The following EYS variants were observed in gnomAD, a reference collection of about 807,000 sequenced individuals.
EYS encodes the protein EGF-like photoreceptor maintenance factor.
EYS carries 250 observed loss-of-function variants against 282.1 expected under a neutral mutation model. The ratio of observed to expected loss-of-function variants is 0.89; its 90% confidence interval spans 0.80 to 0.98. EYS has a LOEUF of 0.98. Among genes scored for constraint, EYS ranks in the 50% least tolerant of loss-of-function variants. The pLI is 0.00. For synonymous variants in EYS, 1,355 were observed against 1,282.9 expected (o/e 1.06, Z -1.20); for missense variants, 4,016 against 3,709.0 (o/e 1.08, Z -2.15).
intron 22 of EYS, among the ~76,000 whole-genome samples, chr6:64,748,756 A>G (rs1583110599): frequency 6.6e-6 from 1 of 152,188 alleles, no homozygotes; most frequent in African/African-American, 2.4e-5. Flanking sequence ...AATGTCACAT[A>G]CTATTTAAAA....
chr6:64,393,680 G>C lies in EYS; in HGVS notation c.5928-4840C>G, dbSNP rs532973834. Among the ~76,000 whole-genome samples, 23 of 151,488 alleles carry C rather than the reference G, an allele frequency of 1.5e-4. No individual in the cohort carries two copies. The East Asian group carries it at 3.3e-3, about 22-fold the overall frequency. On this transcript the variant is annotated intron_variant, in intron 28 of 42. Transcript: ENST00000503581. ...ACAAACCCACAGCCAATATCATACTGAATGGGCAAAAACTGGAAGCATTCC... is the reference window on the plus strand; with the variant it reads ...ACAAACCCACAGCCAATATCATACTCAATGGGCAAAAACTGGAAGCATTCC...
intron 14 of EYS, among the ~76,000 whole-genome samples, chr6:64,978,993 A>G (rs1469064307): frequency 2.0e-5 from 3 of 152,040 alleles, no homozygotes; most frequent in Admixed American, 6.6e-5. Context: ...TGTTGAAATG[A>G]CAAAATGGGA....
intron 12 of EYS, among the ~76,000 whole-genome samples, chr6:65,231,145 T>A (rs778501977): frequency 3.4e-3 from 120 of 35,224 alleles, no homozygotes; most frequent in Middle Eastern, 0.016. Context: ...ATATATACTT[T>A]TATATATATA....
chr6:64,369,459 G>A (rs865842494), intron 29 of EYS, among the ~76,000 whole-genome samples: 1 of 152,096 alleles, frequency 6.6e-6, no homozygotes, highest in Non-Finnish European at 1.5e-5. Flanking sequence ...GTCACTGGTA[G>A]TTGAATGGGA....
intron 19 of EYS, among the ~76,000 whole-genome samples, chr6:64,834,205 C>T (rs1057402093): frequency 2.0e-5 from 3 of 151,658 alleles, no homozygotes; most frequent in Non-Finnish European, 4.4e-5. Context: ...AACCAAAAAG[C>T]GATCTGAAAC....
chr6:64,246,742 C>T (rs1248162646), intron 30 of EYS, among the ~76,000 whole-genome samples: 1 of 152,100 alleles, frequency 6.6e-6, no homozygotes, highest in Admixed American at 6.6e-5. Context: ...TCCATAGATA[C>T]ATTCTGAGAT....
intron 23 of EYS, among the ~76,000 whole-genome samples, chr6:64,618,379 C>T (rs1463800516): frequency 6.6e-6 from 1 of 152,046 alleles, no homozygotes; most frequent in Non-Finnish European, 1.5e-5. Context: ...CTAAGTATAC[C>T]CTTCCACATA....
chr6:65,605,007 C>T (rs1929324), intron 2 of EYS, among the ~76,000 whole-genome samples: 12,589 of 126,742 alleles, frequency 0.099, 656 homozygotes, highest in South Asian at 0.19. Context: ...CCATGCCCAG[C>T]TATTTTTTTT....
intron 31 of EYS, among the ~76,000 whole-genome samples, chr6:64,149,864 C>T (rs79551365): frequency 0.028 from 4,271 of 152,262 alleles, 63 homozygotes; most frequent in Non-Finnish European, 0.045. Flanking sequence ...GATGTTAACA[C>T]GCCTTCATTT....
intron 13 of EYS, among the ~76,000 whole-genome samples, chr6:65,035,392 A>T (rs562790575): frequency 6.6e-6 from 1 of 152,038 alleles, no homozygotes; most frequent in East Asian, 2.0e-4. Context: ...TCCAAATAGG[A>T]AGAGAGGAAG....
intron 12 of EYS, among the ~76,000 whole-genome samples, chr6:65,087,423 T>C (rs1774416460): frequency 6.6e-6 from 1 of 152,146 alleles, no homozygotes; most frequent in African/African-American, 2.4e-5. Context: ...GCATTCAAAA[T>C]TGTCAACAAT....
chr6:64,077,547 T>G (rs2149864931), intron 32 of EYS, among the ~76,000 whole-genome samples: 1 of 152,140 alleles, frequency 6.6e-6, no homozygotes, highest in Admixed American at 6.6e-5. Context: ...CTATTTTAAA[T>G]ACAAACATTA....
intron 14 of EYS, among the ~76,000 whole-genome samples, chr6:64,992,242 G>A (rs531341515): frequency 2.0e-5 from 3 of 151,654 alleles, no homozygotes; most frequent in Non-Finnish European, 4.4e-5. Context: ...AAAATAAATT[G>A]GTATATAGTA....
intron 2 of EYS, among the ~76,000 whole-genome samples, chr6:65,635,117 A>G (rs555885161): frequency 2.6e-5 from 4 of 152,182 alleles, no homozygotes; most frequent in Non-Finnish European, 5.9e-5. Context: ...TCTTTGTCAC[A>G]TAAGCCTAGG....
chr6:64,343,391 G>A (rs1251385534), intron 29 of EYS, among the ~76,000 whole-genome samples: 2 of 151,930 alleles, frequency 1.3e-5, no homozygotes, highest in Non-Finnish European at 2.9e-5. Flanking sequence ...CTAGAACTCA[G>A]GATTAAGAAA....
intron 13 of EYS, among the ~76,000 whole-genome samples, chr6:65,053,184 T>TA (rs1339075743): frequency 6.6e-6 from 1 of 151,768 alleles, no homozygotes; most frequent in African/African-American, 2.4e-5. Flanking sequence ...GTATGTGCTT[T>TA]AAAAAGTTAT....
rs1020785187 is a variant in EYS at position 64,259,954 on chromosome 6, AT to A, written c.6192-29131del. On this transcript the variant is annotated intron_variant, in intron 30 of 42. Coordinates refer to ENST00000503581, the MANE Select transcript of EYS (RefSeq NM_001142800.2). ...GCATGCTTCCCTTCAATATTCTCTG[AT>A]TTTTTTTCCTTCTAAATAACAGGAA... is the stretch of plus-strand genomic sequence containing the variant. 2.6e-5 allele frequency among the ~76,000 whole-genome samples: 4 copies of A among 151,654 alleles called. No individual in the cohort carries two copies. In the East Asian group the frequency reaches 5.8e-4, roughly 22 times the overall value.
chr6:64,054,685 C>G (rs1408522043), intron 33 of EYS, among the ~76,000 whole-genome samples: 1 of 152,018 alleles, frequency 6.6e-6, no homozygotes, highest in East Asian at 1.9e-4. Context: ...AACCCTGTTT[C>G]AATTAGTTAT....
intron 30 of EYS, among the ~76,000 whole-genome samples, chr6:64,296,588 ATATATATATATT>A (rs1769026606): frequency 2.8e-4 from 1 of 3,526 alleles, no homozygotes; most frequent in African/African-American, 1.1e-3. Flanking sequence ...ATATATACAT[ATATATATATATT>A]TTTTTTTTTT....
Sources: gnomAD v4.1 joint callset for allele counts (sites outside exome capture counted in the v4.1 genomes callset) on GRCh38, gnomAD v4.1.1 for gene constraint, MANE v1.5 for transcripts, NCBI Gene and HGNC (gene_info 2026-07-23, HGNC 2026-07-21) for gene names.